Variants in ARIH2 observed in about 807,000 individuals in gnomAD.
ARIH2 encodes the protein E3 ubiquitin-protein ligase ARIH2.
A neutral mutation model predicts 79.8 loss-of-function variants in ARIH2; 12 were observed. The ratio of observed to expected loss-of-function variants is 0.15; its 90% CI spans 0.10 to 0.24. The LOEUF is 0.24. ARIH2 is among the 10% of genes least tolerant of loss of function. The pLI is 1.00. For missense variants in ARIH2, 301 were observed against 618.3 expected (o/e 0.49, Z 5.44); for synonymous variants, 224 against 213.9 (o/e 1.05, Z -0.41).
chr3:48,947,961 TTTTG>T (rs977615899), intron 3 of ARIH2, among the ~76,000 whole-genome samples: 3 of 152,028 alleles, frequency 2.0e-5, no homozygotes, highest in Non-Finnish European at 4.4e-5. Context: ...TTTATTTTTA[TTTTG>T]TTTATTTATT....
intron 8 of ARIH2, among the ~76,000 whole-genome samples, chr3:48,973,400 ACCCCGT>A (rs2092345642): frequency 6.6e-6 from 1 of 152,060 alleles, no homozygotes. Flanking sequence ...ACACGGTGAA[ACCCCGT>A]CTCTACTAAA....
intron 11 of ARIH2, among the ~76,000 whole-genome samples, chr3:48,976,903 C>CA (rs377502253): frequency 0.072 from 9,735 of 134,440 alleles, 367 homozygotes; most frequent in Non-Finnish European, 0.091. Flanking sequence ...GACTCTGTCT[C>CA]AAAAAAAAAA....
At chr3:48,928,002 C>A in intron 3 of ARIH2, 189 bp downstream of exon 3, 4 of 648,780 alleles carry the variant, frequency 6.2e-6, no homozygotes, top group Non-Finnish European at 1.0e-5. Flanking sequence ...TGTCTAAGGT[C>A]CTCAGATTCC....
intron 3 of ARIH2, among the ~76,000 whole-genome samples, chr3:48,941,853 G>C (rs2088316889): frequency 6.6e-6 from 1 of 151,188 alleles, no homozygotes; most frequent in Non-Finnish European, 1.5e-5. Flanking sequence ...AAAGTGCTGA[G>C]ATTACAGGCG....
In ARIH2 at chr3:48,918,896, G is replaced by A; in HGVS notation, c.-264G>A. On this transcript the variant is annotated 5_prime_UTR_variant, in exon 1 of 16. Transcript: ENST00000356401. ...AGCAGCGCGGGCTTGACCGGCGTCG[G>A]CCCGCCGCCTCCGCTGCCGCTTCGC... is the stretch of plus-strand genomic sequence containing the variant. 1.9e-6 allele frequency: 3 copies of A among 1,600,944 alleles called. No individual in the cohort carries two copies. The highest frequency in any genetic ancestry group is 1.7e-6 in the Non-Finnish European group (2 of 1,176,646).
At chr3:48,928,198 ATGTCT>A (rs1179154086) in intron 3 of ARIH2, among the ~76,000 whole-genome samples, 1 of 152,200 alleles carries the variant, frequency 6.6e-6, no homozygotes, top group African/African-American at 2.4e-5. Context: ...TGACTGATAA[ATGTCT>A]TGAGAGTATA....
At chr3:48,939,443 C>A (rs1001812219) in intron 3 of ARIH2, among the ~76,000 whole-genome samples, 1 of 151,716 alleles carries the variant, frequency 6.6e-6, no homozygotes, top group Admixed American at 6.6e-5. Context: ...TTTTCCTGAC[C>A]CTTCTTCCCT....
At chr3:48,981,016 C>CAAAAA (rs34533467) in intron 13 of ARIH2, among the ~76,000 whole-genome samples, 1 of 30,134 alleles carries the variant, frequency 3.3e-5, no homozygotes, top group African/African-American at 1.4e-4. Context: ...GCAAGACTGT[C>CAAAAA]AAAAAAAAAA....
intron 8 of ARIH2, 39 bp from the exon 9 acceptor site, chr3:48,973,660 T>G: frequency 6.7e-7 from 1 of 1,502,104 alleles, no homozygotes; most frequent in African/African-American, 1.4e-5. Flanking sequence ...GGACCCTGAC[T>G]TAATGAATAT....
rs377679410 is a variant in ARIH2, at chr3:48,964,968, A to C, written c.373A>C (p.Asn125His). The change falls in exon 5 of 16, where the codon AAT (asparagine) becomes CAT (histidine). Residue 125 changes from asparagine to histidine, a missense_variant. Asn to His is a moderately conservative substitution (Grantham distance 68, BLOSUM62 1). This residue lies in a region of ARIH2 where 223 missense variants were observed against 349.4 expected (regional missense o/e 0.64). Transcript: ENST00000356401. ...GCTTGTTGAGGCTCGAGTTCAGCCTAATCCATCAAAACATGTGAGTGTCTA... is the reference window on the plus strand; with the variant it reads ...GCTTGTTGAGGCTCGAGTTCAGCCTCATCCATCAAAACATGTGAGTGTCTA... The part of the protein sequence containing the change: ...QLLVEARVQP[N>H]PSKHVPTSHP... The C allele has an allele frequency of 1.4e-5, 23 of 1,613,406 alleles. No homozygotes were observed. The highest frequency in any genetic ancestry group is 1.9e-5 in the Non-Finnish European group (22 of 1,179,630).
intron 12 of ARIH2, chr3:48,979,904 C>A: frequency 1.2e-5 from 4 of 345,030 alleles, no homozygotes; most frequent in Non-Finnish European, 1.6e-5. Context: ...TCTTTTCCAT[C>A]TAGTACCATC....
At chr3:48,942,239 CAG>C (rs1335324470) in intron 3 of ARIH2, among the ~76,000 whole-genome samples, 1 of 151,950 alleles carries the variant, frequency 6.6e-6, no homozygotes, top group Non-Finnish European at 1.5e-5. Flanking sequence ...TTAATAGAAA[CAG>C]GGTTTCACCA....
intron 1 of ARIH2, among the ~76,000 whole-genome samples, chr3:48,921,018 G>A (rs1279204969): frequency 1.3e-5 from 1 of 74,204 alleles, no homozygotes; most frequent in Non-Finnish European, 2.7e-5. Flanking sequence ...GTGCAGTGGC[G>A]CGATCTCGGC....
At chr3:48,977,394 C>T (rs2092567251) in intron 11 of ARIH2, among the ~76,000 whole-genome samples, 1 of 151,812 alleles carries the variant, frequency 6.6e-6, no homozygotes, top group Non-Finnish European at 1.5e-5. Context: ...CAACCTCCAC[C>T]TCCCAGGTTC....
chr3:48,932,430 A>G (rs533424313), intron 3 of ARIH2, among the ~76,000 whole-genome samples: 1 of 152,350 alleles, frequency 6.6e-6, no homozygotes, highest in African/African-American at 2.4e-5. Context: ...GTGTATTTTT[A>G]TATGAGACTT....
At chr3:48,933,316 GGTGTGTGTGT>G (rs150441338) in intron 3 of ARIH2, among the ~76,000 whole-genome samples, 1 of 140,132 alleles carries the variant, frequency 7.1e-6, no homozygotes, top group Non-Finnish European at 1.5e-5. Context: ...CATGCCCGGG[GGTGTGTGTGT>G]GTGTGTGTGT....
intron 3 of ARIH2, among the ~76,000 whole-genome samples, chr3:48,955,850 C>T (rs972636233): frequency 1.1e-4 from 17 of 152,292 alleles, no homozygotes; most frequent in Admixed American, 7.2e-4. Flanking sequence ...TGACCCAAAT[C>T]AGGGAGAAGG....
intron 3 of ARIH2, among the ~76,000 whole-genome samples, chr3:48,951,351 C>T (rs2089933278): frequency 6.6e-6 from 1 of 152,004 alleles, no homozygotes; most frequent in South Asian, 2.1e-4. Context: ...CTTGTCCAGG[C>T]TTCAGTGCAA....
Position 48,973,692 on chromosome 3 carries a change from T to C in ARIH2, c.771-7T>C. 6.2e-7 allele frequency: 1 copy of C among 1,607,514 alleles called. No individual in the cohort carries two copies. The highest frequency in any genetic ancestry group is 8.5e-7 in the Non-Finnish European group (1 of 1,175,300). The stretch of plus-strand genomic sequence containing the variant: ...ATATTTGAATGTTTTTCTTTTCCAA[T>C]TTTAAGTTTCAAGTGTCGTCAGATG... On this transcript the variant is annotated splice_region_variant and splice_polypyrimidine_tract_variant and intron_variant, in intron 8 of 15. Transcript: ENST00000356401.
Sources: allele counts gnomAD v4.1 joint callset (sites outside exome capture counted in the v4.1 genomes callset), GRCh38; gene constraint gnomAD v4.1.1; regional missense constraint gnomAD v4.1.1; transcripts MANE v1.5; gene names NCBI Gene and HGNC (gene_info 2026-07-23, HGNC 2026-07-21).